CCDC122: variants seen among roughly 807,000 people sequenced by gnomAD.
CCDC122 encodes the protein coiled-coil domain-containing protein 122.
A neutral mutation model predicts 37.0 loss-of-function variants in CCDC122; 38 were observed. The ratio of observed to expected loss-of-function variants is 1.03; its 90% CI spans 0.79 to 1.35. CCDC122 has a LOEUF of 1.35. Among genes scored for constraint, CCDC122 ranks in the 40% most tolerant of loss-of-function variants. The pLI, the probability that CCDC122 is intolerant of heterozygous loss-of-function variation, is 0.00. For missense variants in CCDC122, 305 were observed against 310.0 expected, an observed-to-expected ratio of 0.98 and a Z score of 0.12; for synonymous variants, 83 against 95.6, an observed-to-expected ratio of 0.87 and a Z score of 0.77.
chr13:43,869,277 T>C, intron 3 of CCDC122, 54 bp downstream of exon 3: 1 of 1,370,454 alleles, frequency 7.3e-7, no homozygotes. Context: ...GCCAGACTAC[T>C]TTTTTGTTGT....
At position 43,837,495 on chromosome 13, in the gene CCDC122, T is replaced by C. The variant is rs546168147; in HGVS notation, c.673-66A>G. 24 of 1,402,538 alleles carry C rather than the reference T, an allele frequency of 1.7e-5. No homozygotes were observed. In the East Asian group the frequency reaches 2.8e-4, roughly 17 times the overall value. The allele number at this position is 1,402,538 out of a possible 1,614,324, so 86.9% of individuals were successfully genotyped here. The stretch of plus-strand genomic sequence containing the variant: ...ATAAATAGTAAACAGCCATAAATAA[T>C]ATTTTGACTACTCTAAAGAGGGAAG... On this transcript the variant is annotated intron_variant, in intron 6 of 6. Coordinates refer to ENST00000444614, the MANE Select transcript of CCDC122 (RefSeq NM_144974.5).
intron 1 of CCDC122, among the ~76,000 whole-genome samples, chr13:43,878,889 A>G (rs192331530): frequency 4.6e-5 from 7 of 152,274 alleles, no homozygotes; most frequent in African/African-American, 1.7e-4. Context: ...GCACAAAGAC[A>G]TTGGAGGAGA....
intron 4 of CCDC122, among the ~76,000 whole-genome samples, chr13:43,861,828 T>C (rs147506943): frequency 6.6e-6 from 1 of 152,212 alleles, no homozygotes; most frequent in Non-Finnish European, 1.5e-5. Context: ...ACACCAAACA[T>C]ATTCCTCCCC....
chr13:43,867,791 T>C (rs1954320455), intron 4 of CCDC122, among the ~76,000 whole-genome samples: 1 of 152,182 alleles, frequency 6.6e-6, no homozygotes, highest in South Asian at 2.1e-4. Flanking sequence ...ACTGTATAGA[T>C]GTATTCTTTT....
chr13:43,848,459 G>T (rs1353884342), intron 6 of CCDC122, among the ~76,000 whole-genome samples: 1 of 151,268 alleles, frequency 6.6e-6, no homozygotes, highest in Non-Finnish European at 1.5e-5. Context: ...ACTGATTGTT[G>T]CTCAATGTGT....
chr13:43,833,673 A>T (rs1953111489), downstream of CCDC122, among the ~76,000 whole-genome samples: 1 of 152,208 alleles, frequency 6.6e-6, no homozygotes, highest in Admixed American at 6.5e-5. Context: ...GCACAGACTC[A>T]CGATGATCCT....
chr13:43,846,794 G>T (rs554065244), intron 6 of CCDC122, among the ~76,000 whole-genome samples: 22 of 152,286 alleles, frequency 1.4e-4, no homozygotes, highest in Admixed American at 9.8e-4. Flanking sequence ...TTTGAGGGCA[G>T]CTAATATGCA....
intron 6 of CCDC122, among the ~76,000 whole-genome samples, chr13:43,843,341 T>C (rs1390585889): frequency 1.3e-5 from 2 of 152,074 alleles, no homozygotes; most frequent in African/African-American, 2.4e-5. Flanking sequence ...TGTCATTTTG[T>C]CACTATAGTA....
chr13:43,875,800 T>C (rs1954592276), intron 1 of CCDC122, among the ~76,000 whole-genome samples: 1 of 152,198 alleles, frequency 6.6e-6, no homozygotes, highest in South Asian at 2.1e-4. Context: ...AGCTTCCTCA[T>C]GCTGAGAGCC....
intron 2 of CCDC122, among the ~76,000 whole-genome samples, chr13:43,872,847 T>C (rs987090666): frequency 2.2e-4 from 34 of 152,242 alleles, no homozygotes; most frequent in African/African-American, 8.2e-4. Flanking sequence ...CCTTCAGTAC[T>C]GACCCATTTC....
downstream of CCDC122, among the ~76,000 whole-genome samples, chr13:43,831,699 G>A (rs1953091454): frequency 6.6e-6 from 1 of 152,068 alleles, no homozygotes; most frequent in African/African-American, 2.4e-5. Flanking sequence ...TTCCAATTTC[G>A]ACATGATTTT....
At chr13:43,819,356 A>G (rs1354138688), downstream of CCDC122, among the ~76,000 whole-genome samples, 3 of 152,222 alleles carry the variant, frequency 2.0e-5, no homozygotes, top group African/African-American at 4.8e-5. Flanking sequence ...CCAAAGATAT[A>G]CTAGCTAAAA....
chr13:43,836,057 CAT>C (rs1374550838), downstream of CCDC122, among the ~76,000 whole-genome samples: 19 of 152,128 alleles, frequency 1.2e-4, no homozygotes, highest in Non-Finnish European at 2.2e-4. Flanking sequence ...AATTTTAGCA[CAT>C]AGAAAGGTAA....
intron 3 of CCDC122, 45 bp downstream of exon 3, chr13:43,869,286 G>A (rs533914335): frequency 7.0e-7 from 1 of 1,432,438 alleles, no homozygotes; most frequent in South Asian, 1.2e-5. Flanking sequence ...CTTTTTTGTT[G>A]TTGCTGATCT....
chr13:43,851,475 C>G (rs902913901), intron 6 of CCDC122, among the ~76,000 whole-genome samples: 9 of 152,182 alleles, frequency 5.9e-5, no homozygotes, highest in Admixed American at 5.9e-4. Flanking sequence ...AACACCACCA[C>G]CAGCGAGACC....
chr13:43,821,826 T>C (rs1030205961), downstream of CCDC122, among the ~76,000 whole-genome samples: 1 of 152,256 alleles, frequency 6.6e-6, no homozygotes, highest in African/African-American at 2.4e-5. Flanking sequence ...GAATTTCTTC[T>C]TGATTCTTTT....
chr13:43,872,550 TCTAA>T (rs1320214804), intron 2 of CCDC122, among the ~76,000 whole-genome samples: 1 of 152,126 alleles, frequency 6.6e-6, no homozygotes, highest in Non-Finnish European at 1.5e-5. Flanking sequence ...TACCTTCTAA[TCTAA>T]CTGAGATAGA....
chr13:43,837,312 C>T lies in CCDC122; in HGVS notation c.790G>A (p.Glu264Lys), dbSNP rs536074833. Residue 264 changes from glutamate (E) to lysine (K), a missense_variant, in exon 7 of 7, where the codon GAA (glutamate) becomes AAA (lysine). Transcript: ENST00000444614. ...TGCATTCCAATGCATTTTCTTAATT[C>T]GGCTGCAGTTTTTTCCAATTGTTGA... is the stretch of plus-strand genomic sequence containing the variant. ...NIQQLEKTAA[E>K]LRKCIGMQE The T allele has an allele frequency of 3.7e-5, 59 of 1,613,826 alleles. No individual in the cohort carries two copies. The highest frequency in any genetic ancestry group is 4.5e-5 in the Non-Finnish European group (53 of 1,179,924).
chr13:43,878,410 G>T (rs996072648), intron 1 of CCDC122, among the ~76,000 whole-genome samples: 6 of 152,174 alleles, frequency 3.9e-5, no homozygotes, highest in Non-Finnish European at 8.8e-5. Context: ...TGGTGCTAGG[G>T]TTATTGAAGG....
Sources: allele counts gnomAD v4.1 joint callset (sites outside exome capture counted in the v4.1 genomes callset), GRCh38; gene constraint gnomAD v4.1.1; transcripts MANE v1.5; gene names NCBI Gene and HGNC (gene_info 2026-07-23, HGNC 2026-07-21).